The following LRRC20 variants were observed in gnomAD, a reference collection of about 807,000 sequenced individuals.
LRRC20 encodes the protein leucine rich repeat containing 20.
A neutral mutation model predicts 14.4 loss-of-function variants in LRRC20; 11 were observed. The observed-to-expected ratio is 0.77, with a 90% CI of 0.48 to 1.27. The LOEUF is 1.27. LRRC20 is among the 50% of genes most tolerant of loss of function. The pLI is 0.00. For missense variants in LRRC20, 219 were observed against 251.2 expected (o/e 0.87, Z 0.87); for synonymous variants, 121 against 107.3 (o/e 1.13, Z -0.79).
chr10:70,317,250 G>A (rs761349084), intron 4 of LRRC20, among the ~76,000 whole-genome samples: 1 of 152,228 alleles, frequency 6.6e-6, no homozygotes, highest in Middle Eastern at 3.2e-3. Flanking sequence ...CAGGGGAGCT[G>A]CCACAGGTCA....
At chr10:70,377,264 C>T (rs934371799) in intron 1 of LRRC20, among the ~76,000 whole-genome samples, 10 of 152,018 alleles carry the variant, frequency 6.6e-5, no homozygotes, top group South Asian at 2.1e-4. Context: ...GCAAGAAAAG[C>T]GGGCAGGGGC....
In LRRC20 at chr10:70,301,166, C is replaced by T; in HGVS notation, c.*188G>A. ...GCTGCAGGCCCCACCTTGCCTCTTC[C>T]CTTGGGCATTCCAGAGCCCACTACT... On this transcript the variant is annotated 3_prime_UTR_variant, in exon 5 of 5. Transcript: ENST00000446961. The T allele has an allele frequency of 2.9e-6, 4 of 1,385,948 alleles. No homozygotes were observed. Among genetic ancestry groups the T allele is most frequent in the Non-Finnish European group, 3.7e-6 (4 of 1,072,924 alleles). 85.9% of individuals were successfully genotyped at this position (1,385,948 alleles called of 1,614,324 possible). A position where few individuals can be genotyped will look rare whatever the true frequency, so the allele number is the denominator to read the frequency against.
chr10:70,309,495 C>T (rs1841560239), intron 4 of LRRC20, among the ~76,000 whole-genome samples: 1 of 152,382 alleles, frequency 6.6e-6, no homozygotes, highest in East Asian at 1.9e-4. Flanking sequence ...TCTCCTTGCA[C>T]TGGCCCCCGG....
At chr10:70,345,859 G>T (rs1843056119) in intron 2 of LRRC20, among the ~76,000 whole-genome samples, 1 of 152,140 alleles carries the variant, frequency 6.6e-6, no homozygotes, top group African/African-American at 2.4e-5. Flanking sequence ...TTAATTAACT[G>T]TTTTTCAGCT....
chr10:70,345,394 C>G (rs1009780121), intron 2 of LRRC20, among the ~76,000 whole-genome samples: 1 of 151,626 alleles, frequency 6.6e-6, no homozygotes, highest in South Asian at 2.1e-4. Context: ...ATTTATACAA[C>G]CTCTTAAGTG....
chr10:70,325,214 G>A (rs1052589859), intron 3 of LRRC20, among the ~76,000 whole-genome samples: 3 of 152,200 alleles, frequency 2.0e-5, no homozygotes, highest in East Asian at 3.9e-4. Flanking sequence ...GAAGGGCCCC[G>A]CACTTGGGGT....
chr10:70,373,780 G>A lies in LRRC20; in HGVS notation c.82+2672C>T, dbSNP rs114697559. ...TGCCCCCACCCCAGGGCTGCATGGT[G>A]GAGACAGGGCCCAGGCTCTGGTGTC... On this transcript the variant is annotated intron_variant, in intron 2 of 4. Coordinates refer to ENST00000446961, the MANE Select transcript of LRRC20 (RefSeq NM_001278212.2). Among the ~76,000 whole-genome samples the A allele has an allele frequency of 8.2e-3, 1,242 of 152,332 alleles. 18 individuals carry two copies. Among genetic ancestry groups the A allele is most frequent in the South Asian group, 0.03 (147 of 4,826 alleles).
At chr10:70,354,341 G>A (rs1406207165) in intron 2 of LRRC20, among the ~76,000 whole-genome samples, 1 of 152,154 alleles carries the variant, frequency 6.6e-6, no homozygotes, top group Non-Finnish European at 1.5e-5. Context: ...AGATTCTGAT[G>A]CCACATGTCT....
chr10:70,371,668 G>A (rs148847729), intron 2 of LRRC20, among the ~76,000 whole-genome samples: 4 of 152,236 alleles, frequency 2.6e-5, no homozygotes, highest in African/African-American at 7.2e-5. Flanking sequence ...CTGGCTCAGG[G>A]GAAGCAGACT....
intron 1 of LRRC20, 168 bp from the exon 2 acceptor site, chr10:70,376,764 A>G: frequency 3.6e-6 from 2 of 551,608 alleles, no homozygotes; most frequent in Non-Finnish European, 6.5e-6. Flanking sequence ...GGCCACATCC[A>G]GCTTGGCCTT....
chr10:70,349,375 C>T (rs1843205442), intron 2 of LRRC20, among the ~76,000 whole-genome samples: 1 of 151,984 alleles, frequency 6.6e-6, no homozygotes, highest in African/African-American at 2.4e-5. Flanking sequence ...GTCAGGAGTT[C>T]GAGACCAGCC....
chr10:70,320,574 A>G (rs182891863), intron 4 of LRRC20, among the ~76,000 whole-genome samples: 1 of 152,258 alleles, frequency 6.6e-6, no homozygotes, highest in Non-Finnish European at 1.5e-5. Flanking sequence ...AGGCTTTGGA[A>G]TTCCTGCTCT....
chr10:70,325,039 C>T (rs959907293), intron 3 of LRRC20, among the ~76,000 whole-genome samples: 1 of 152,064 alleles, frequency 6.6e-6, no homozygotes, highest in Non-Finnish European at 1.5e-5. Flanking sequence ...CTGTCCAGTC[C>T]CCATCCAGGT....
At chr10:70,356,668 T>C (rs1237230338) in intron 2 of LRRC20, among the ~76,000 whole-genome samples, 2 of 152,082 alleles carry the variant, frequency 1.3e-5, no homozygotes, top group Admixed American at 6.5e-5. Context: ...CTGGCCAATA[T>C]GGTGAAACCC....
rs1299191773 is a variant in LRRC20 at position 70,323,857 on chromosome 10, A to G, written c.400+6T>C. ...GCCCAGGGCCAGGTGGGCCAGGCCC[A>G]CTCACCTACGATCTCGTTCTCCTCC... On this transcript the variant is annotated splice_donor_region_variant and intron_variant, in intron 4 of 4. Transcript: ENST00000446961. The G allele has an allele frequency of 1.9e-6, 3 of 1,613,862 alleles. No individual in the cohort carries two copies. Among genetic ancestry groups the G allele is most frequent in the Middle Eastern group, 1.7e-4 (1 of 6,060 alleles).
rs144973994 is a variant in LRRC20, at chr10:70,364,851, A to G, written c.82+11601T>C. ...CCCTCCCCAGGAGCACATCACATCC[A>G]TGTCCGTATTTATTCATCATCTCCC... On this transcript the variant is annotated intron_variant, in intron 2 of 4. Coordinates refer to ENST00000446961, the MANE Select transcript of LRRC20 (RefSeq NM_001278212.2). Among the ~76,000 whole-genome samples the G allele has an allele frequency of 1.5e-3, 227 of 152,164 alleles. 1 individual carries two copies. The highest frequency in any genetic ancestry group is 5.2e-3 in the African/African-American group (214 of 41,526).
At chr10:70,330,823 G>A (rs867436347) in intron 3 of LRRC20, among the ~76,000 whole-genome samples, 4 of 152,126 alleles carry the variant, frequency 2.6e-5, no homozygotes, top group East Asian at 1.9e-4. Context: ...AGCTGCCTGC[G>A]TCACAAGCTC....
At chr10:70,311,850 G>A (rs555125583) in intron 4 of LRRC20, among the ~76,000 whole-genome samples, 1 of 152,280 alleles carries the variant, frequency 6.6e-6, no homozygotes, top group South Asian at 2.1e-4. Context: ...TATGTCTGTG[G>A]GAAGTTTAGA....
intron 2 of LRRC20, among the ~76,000 whole-genome samples, chr10:70,374,532 G>C (rs996217101): frequency 6.6e-6 from 1 of 151,938 alleles, no homozygotes; most frequent in Non-Finnish European, 1.5e-5. Flanking sequence ...TGAATTTTTA[G>C]TATGTTTTAG....
Sources: allele counts gnomAD v4.1 joint callset (sites outside exome capture counted in the v4.1 genomes callset), GRCh38; gene constraint gnomAD v4.1.1; transcripts MANE v1.5; gene names NCBI Gene and HGNC (gene_info 2026-07-23, HGNC 2026-07-21).